Variants in OPA1 observed in about 807,000 individuals in gnomAD.
The protein encoded by OPA1 is dynamin-like GTPase OPA1, mitochondrial.
OPA1 carries 59 observed loss-of-function variants against 152.9 expected under a neutral mutation model. The observed-to-expected ratio is 0.39, with a 90% CI of 0.31 to 0.48. The LOEUF is 0.48. Among genes scored for constraint, OPA1 ranks in the 20% least tolerant of loss-of-function variants. The pLI is 0.96. For missense variants in OPA1, 1,008 were observed against 1,216.8 expected (o/e 0.83, Z 2.55); for synonymous variants, 400 against 389.9 (o/e 1.03, Z -0.31).
At chr3:193,663,227 C>A (rs1365029886) in intron 26 of OPA1, among the ~76,000 whole-genome samples, 1 of 152,032 alleles carries the variant, frequency 6.6e-6, no homozygotes, top group Non-Finnish European at 1.5e-5. Flanking sequence ...TCAGTTCATG[C>A]AAAATGGGAT....
At chr3:193,669,460 G>A (rs1308714873) in intron 29 of OPA1, among the ~76,000 whole-genome samples, 1 of 152,172 alleles carries the variant, frequency 6.6e-6, no homozygotes, top group African/African-American at 2.4e-5. Context: ...TACTAGCTGT[G>A]TCATCTTCGG....
chr3:193,634,079 T>TA (rs761146222), intron 8 of OPA1, among the ~76,000 whole-genome samples: 6 of 152,202 alleles, frequency 3.9e-5, no homozygotes, highest in Middle Eastern at 3.4e-3. Flanking sequence ...TCCAATAAGC[T>TA]AAAAAAATTG....
At chr3:193,605,230 G>A (rs142954950) in intron 1 of OPA1, among the ~76,000 whole-genome samples, 1 of 152,128 alleles carries the variant, frequency 6.6e-6, no homozygotes, top group Non-Finnish European at 1.5e-5. Flanking sequence ...GGAATCAGTG[G>A]GTACATTAGG....
At chr3:193,655,055 A>G in intron 22 of OPA1, 28 bp downstream of exon 22, 1 of 1,600,266 alleles carries the variant, frequency 6.2e-7, no homozygotes, top group Middle Eastern at 1.7e-4. Context: ...TTAAATGGGT[A>G]AGAAGCATTA....
intron 1 of OPA1, among the ~76,000 whole-genome samples, chr3:193,600,881 G>T (rs1726357575): frequency 6.6e-6 from 1 of 152,108 alleles, no homozygotes; most frequent in African/African-American, 2.4e-5. Flanking sequence ...TTTCTTTATT[G>T]TACTTGGTGG....
At chr3:193,595,077 A>G (rs1402540389) in intron 1 of OPA1, among the ~76,000 whole-genome samples, 1 of 152,226 alleles carries the variant, frequency 6.6e-6, no homozygotes, top group Non-Finnish European at 1.5e-5. Context: ...CATGGATGCC[A>G]TTGAGTCATG....
At chr3:193,691,395 A>C (rs1453252511) in intron 29 of OPA1, 1 of 152,224 alleles carries the variant, frequency 6.6e-6, no homozygotes, top group African/African-American at 2.4e-5. Context: ...TAAAATAAAT[A>C]ATGTAAATCT....
chr3:193,679,882 T>A (rs1719850049), intron 29 of OPA1, among the ~76,000 whole-genome samples: 2 of 152,224 alleles, frequency 1.3e-5, no homozygotes, highest in South Asian at 2.1e-4. Flanking sequence ...GATTTTCCAG[T>A]TTAATGGAAT....
Position 193,618,912 on chromosome 3 carries a change from T to C in OPA1, c.654T>C (p.Ser218=). The change falls in exon 6 of 31, where the codon TCT becomes TCC. Residue 218 remains serine (S), a synonymous_variant. Transcript: ENST00000361510. The stretch of plus-strand genomic sequence containing the variant: ...CGTTTAGAGCAACAGATCGTGGATC[T>C]GAAAGTGACAAGCATTTTAGAAAGG... ...ETAFRATDRG[S]ESDKHFRKGL... is the part of the protein sequence containing the mutation. 6.2e-7 allele frequency: 1 copy of C among 1,613,858 alleles called. No homozygotes were observed. Among genetic ancestry groups the C allele is most frequent in the Non-Finnish European group, 8.5e-7 (1 of 1,179,728 alleles).
chr3:193,622,226 CTTT>C (rs758993120), intron 6 of OPA1, among the ~76,000 whole-genome samples: 23 of 107,892 alleles, frequency 2.1e-4, no homozygotes, highest in Non-Finnish European at 3.3e-4. Flanking sequence ...TACTCTCATT[CTTT>C]TTTTTTTTTT....
intron 29 of OPA1, among the ~76,000 whole-genome samples, chr3:193,691,102 T>C (rs1049672376): frequency 6.6e-6 from 1 of 152,188 alleles, no homozygotes; most frequent in Non-Finnish European, 1.5e-5. Flanking sequence ...GTGCCTGTGG[T>C]CTTAGCTACG....
chr3:193,673,240 G>C (rs1412441406), intron 29 of OPA1, among the ~76,000 whole-genome samples: 3 of 152,174 alleles, frequency 2.0e-5, no homozygotes, highest in Non-Finnish European at 4.4e-5. Context: ...CCTTTATATT[G>C]AGAAGCTTCC....
chr3:193,626,126 A>G lies in OPA1; in HGVS notation c.713A>G (p.Gln238Arg). Residue 238 changes from glutamine to arginine, a missense_variant, in exon 7 of 31, where the codon CAA (glutamine) becomes CGA (arginine). By Grantham distance (43) the Gln-to-Arg change is conservative. Around this residue, in one of 7 missense-constraint regions of OPA1, gnomAD observed 408 missense variants for 395.1 expected, o/e 1.03. Coordinates refer to ENST00000361510, the MANE Select transcript of OPA1 (RefSeq NM_130837.3). Reference sequence around the variant, plus strand: ...GGTGAGCTCATTCTCTTACAACAACAAATTCAAGAGCATGAAGAGGAAGCG... The same window carrying G: ...GGTGAGCTCATTCTCTTACAACAACGAATTCAAGAGCATGAAGAGGAAGCG... ...LLGELILLQQQIQEHEEEARR... is the reference protein window; with the variant it reads ...LLGELILLQQRIQEHEEEARR... 6.2e-7 allele frequency: 1 copy of G among 1,614,120 alleles called. No individual in the cohort carries two copies. The highest frequency in any genetic ancestry group is 8.5e-7 in the Non-Finnish European group (1 of 1,179,986).
At chr3:193,628,545 C>G (rs987147015) in intron 7 of OPA1, 1 of 152,204 alleles carries the variant, frequency 6.6e-6, no homozygotes, top group Admixed American at 6.5e-5. Context: ...CGCTCTTTCT[C>G]CATCAGTTTC....
At position 193,604,961 on chromosome 3, in the gene OPA1, A is replaced by C. The variant is rs752908609; in HGVS notation, c.33-9762A>C. On this transcript the variant is annotated intron_variant, in intron 1 of 30. Coordinates refer to ENST00000361510, the MANE Select transcript of OPA1 (RefSeq NM_130837.3). ...GTTGCTGTAAAAGGTAAACTGAGTC[A>C]ATTTCCGGGCACTCCTTAATAGGAG... is the stretch of plus-strand genomic sequence containing the variant. Among the ~76,000 whole-genome samples the C allele has an allele frequency of 2.0e-5, 3 of 152,164 alleles. No individual in the cohort carries two copies. In the South Asian group the frequency reaches 6.2e-4, roughly 31 times the overall value.
At chr3:193,676,897 C>A (rs1001952781) in intron 29 of OPA1, among the ~76,000 whole-genome samples, 1 of 142,238 alleles carries the variant, frequency 7.0e-6, no homozygotes, top group African/African-American at 2.6e-5. Flanking sequence ...AGGAGAATGG[C>A]GTGAACCTGG....
chr3:193,644,216 T>C, intron 16 of OPA1, 111 bp downstream of exon 16: 1 of 1,246,998 alleles, frequency 8.0e-7, no homozygotes, highest in East Asian at 2.5e-5. Flanking sequence ...ACCTTACAAC[T>C]AAGATTTATT....
Position 193,615,786 on chromosome 3 carries a change from A to G in OPA1, c.448+16A>G, listed in dbSNP as rs1728920569. The G allele has an allele frequency of 7.0e-7, 1 of 1,428,828 alleles. No individual in the cohort carries two copies. The highest frequency in any genetic ancestry group is 9.9e-7 in the Non-Finnish European group (1 of 1,010,794). 88.5% of individuals were successfully genotyped at this position (1,428,828 alleles called of 1,614,324 possible). On this transcript the variant is annotated intron_variant, in intron 3 of 30. Coordinates refer to ENST00000361510, the MANE Select transcript of OPA1 (RefSeq NM_130837.3). ...ATCGATTTTGGTTTGTATCATGAACATTAAAATACTTTTTTTGGTCATCTC... is the reference window on the plus strand; with the variant it reads ...ATCGATTTTGGTTTGTATCATGAACGTTAAAATACTTTTTTTGGTCATCTC...
intron 1 of OPA1, among the ~76,000 whole-genome samples, chr3:193,611,957 T>C (rs915836464): frequency 2.0e-5 from 3 of 152,184 alleles, no homozygotes; most frequent in Admixed American, 1.3e-4. Flanking sequence ...TGGTCCTTCT[T>C]GTGAGGAGCT....
Sources: gnomAD v4.1 joint callset for allele counts (sites outside exome capture counted in the v4.1 genomes callset) on GRCh38, gnomAD v4.1.1 for gene constraint, gnomAD v4.1.1 regional missense constraint, MANE v1.5 for transcripts, NCBI Gene and HGNC (gene_info 2026-07-23, HGNC 2026-07-21) for gene names.